The following LDLRAD4 variants were observed in gnomAD, a reference collection of about 807,000 sequenced individuals.
LDLRAD4 encodes the protein low density lipoprotein receptor class A domain containing 4.
Under a neutral mutation model 17.0 loss-of-function variants are expected in LDLRAD4, and 5 were observed. That is an observed-to-expected ratio of 0.29 (90% CI 0.15 to 0.62). The LOEUF (loss-of-function observed/expected upper bound fraction) is 0.62, where lower values mean the gene tolerates loss of function less well. Ranked by LOEUF, LDLRAD4 falls within the 20% of genes least tolerant of loss-of-function variation. LDLRAD4 has a pLI of 0.84. For missense variants in LDLRAD4, 340 were observed against 424.7 expected (o/e 0.80, Z 1.75); for synonymous variants, 168 against 171.8 (o/e 0.98, Z 0.17).
intron 3 of LDLRAD4, among the ~76,000 whole-genome samples, chr18:13,574,636 T>C (rs901262527): frequency 1.3e-5 from 2 of 152,208 alleles, no homozygotes; most frequent in African/African-American, 4.8e-5. Context: ...CATGGAGCCC[T>C]GGCATTGAGT....
chr18:13,611,739 T>C lies in LDLRAD4; in HGVS notation c.182-9378T>C, dbSNP rs2039578426. 6.1e-6 allele frequency: 6 copies of C among 985,278 alleles called. No individual in the cohort carries two copies. In the South Asian group the frequency reaches 2.3e-4, roughly 39 times the overall value. The allele number at this position is 985,278 out of a possible 1,614,324, so 61.0% of individuals were successfully genotyped here. ...TGCTACCATACATGGGGAATAATGA[T>C]GTGAGGCAGAGGGAGAGGGAATGAA... On this transcript the variant is annotated intron_variant, in intron 3 of 5. Coordinates refer to ENST00000359446, the Ensembl canonical transcript of LDLRAD4.
intron 2 of LDLRAD4, among the ~76,000 whole-genome samples, chr18:13,424,163 A>C (rs879712865): frequency 4.7e-4 from 71 of 151,702 alleles, no homozygotes; most frequent in Non-Finnish European, 9.0e-4. Context: ...AAAAAAAAAA[A>C]CTTCCAGTGT....
chr18:13,479,433 CA>C (rs2093028963), intron 3 of LDLRAD4, among the ~76,000 whole-genome samples: 2 of 152,154 alleles, frequency 1.3e-5, no homozygotes, highest in South Asian at 4.1e-4. Context: ...CCAGCCTGGC[CA>C]ACATGGCATA....
upstream of LDLRAD4, among the ~76,000 whole-genome samples, chr18:13,218,251 G>A (rs1046606870): frequency 6.6e-6 from 1 of 152,194 alleles, no homozygotes; most frequent in African/African-American, 2.4e-5. Flanking sequence ...GGAGGGAGAA[G>A]CTGGGCGCCG....
At chr18:13,640,052 C>T (rs1262626048) in intron 4 of LDLRAD4, among the ~76,000 whole-genome samples, 2 of 152,014 alleles carry the variant, frequency 1.3e-5, no homozygotes, top group Non-Finnish European at 2.9e-5. Context: ...TTTGGGAGGC[C>T]GAGGCGGGTG....
intron 3 of LDLRAD4, among the ~76,000 whole-genome samples, chr18:13,604,073 A>G (rs76122616): frequency 0.025 from 3,783 of 152,330 alleles, 80 homozygotes; most frequent in Non-Finnish European, 0.039. Context: ...GTATAGTTAT[A>G]TAGGTCTGAT....
chr18:13,350,867 C>A (rs1428456486), intron 1 of LDLRAD4, among the ~76,000 whole-genome samples: 1 of 152,200 alleles, frequency 6.6e-6, no homozygotes, highest in East Asian at 1.9e-4. Context: ...GTTTTCCCAG[C>A]TCCATTTATT....
At chr18:13,554,495 CAT>C (rs1041861714) in intron 3 of LDLRAD4, among the ~76,000 whole-genome samples, 3 of 152,024 alleles carry the variant, frequency 2.0e-5, no homozygotes, top group African/African-American at 7.3e-5. Context: ...AGTCAGGTCT[CAT>C]GTGTAAGGGT....
chr18:13,532,348 C>T (rs949202169), intron 3 of LDLRAD4, among the ~76,000 whole-genome samples: 17 of 152,298 alleles, frequency 1.1e-4, no homozygotes, highest in East Asian at 5.8e-4. Context: ...TGGTAGTATT[C>T]GGCCTGGATG....
chr18:13,436,030 A>G (rs2090632200), intron 2 of LDLRAD4, among the ~76,000 whole-genome samples: 3 of 152,258 alleles, frequency 2.0e-5, no homozygotes, highest in Admixed American at 1.3e-4. Flanking sequence ...CAGGGTTCTT[A>G]TGAGGCTCAG....
intron 1 of LDLRAD4, among the ~76,000 whole-genome samples, chr18:13,284,354 T>C (rs1346341607): frequency 6.6e-6 from 1 of 151,812 alleles, no homozygotes; most frequent in Non-Finnish European, 1.5e-5. Flanking sequence ...GTGATTAGAG[T>C]TTATTAGTTT....
At chr18:13,477,204 A>G (rs2092962377) in intron 3 of LDLRAD4, among the ~76,000 whole-genome samples, 1 of 152,094 alleles carries the variant, frequency 6.6e-6, no homozygotes, top group African/African-American at 2.4e-5. Context: ...TTCTAGCAAG[A>G]CAGCTGTGGT....
chr18:13,363,189 A>G (rs2083796834), intron 1 of LDLRAD4, among the ~76,000 whole-genome samples: 1 of 152,030 alleles, frequency 6.6e-6, no homozygotes, highest in Non-Finnish European at 1.5e-5. Context: ...AAAATTAGCC[A>G]GGCGTGGTGG....
At chr18:13,624,102 C>G (rs1257494647) in intron 4 of LDLRAD4, among the ~76,000 whole-genome samples, 1 of 152,178 alleles carries the variant, frequency 6.6e-6, no homozygotes, top group Non-Finnish European at 1.5e-5. Flanking sequence ...GGCAGTCCCG[C>G]AACAAAGACT....
intron 3 of LDLRAD4, among the ~76,000 whole-genome samples, chr18:13,499,588 C>A (rs1429475761): frequency 6.6e-6 from 1 of 151,438 alleles, no homozygotes; most frequent in Non-Finnish European, 1.5e-5. Context: ...TCCTTCTCGC[C>A]ACACACATCC....
At position 13,296,090 on chromosome 18, in the gene LDLRAD4, C is replaced by T. The variant is rs538772588; in HGVS notation, c.-383+17902C>T. Among the ~76,000 whole-genome samples, 24 of 152,374 alleles carry T rather than the reference C, an allele frequency of 1.6e-4. No homozygotes were observed. The South Asian group carries it at 4.6e-3, about 29-fold the overall frequency. ...TTCCGTCAAGGGCTCCTGCGCCTGG[C>T]GGGCATCTCTCGTGCATCCCTCCAG... On this transcript the variant is annotated intron_variant, in intron 1 of 5. Transcript: ENST00000359446.
Position 13,316,483 on chromosome 18 carries a change from A to G in LDLRAD4, c.-383+38295A>G, listed in dbSNP as rs559392345. Among the ~76,000 whole-genome samples, 65 of 152,214 alleles carry G rather than the reference A, an allele frequency of 4.3e-4. 1 individual carries two copies. Among genetic ancestry groups the G allele is most frequent in the Non-Finnish European group, 4.4e-4 (30 of 68,036 alleles). On this transcript the variant is annotated intron_variant, in intron 1 of 5. Transcript: ENST00000359446. The stretch of plus-strand genomic sequence containing the variant: ...GGAAATTCTTCAGGCGGAAGGATAA[A>G]GGGTCCTGATGGAAGCATGGGAATG...
At chr18:13,612,554 C>T (rs911158253) in intron 3 of LDLRAD4, 37 of 1,451,142 alleles carry the variant, frequency 2.5e-5, no homozygotes, top group Non-Finnish European at 2.8e-5. Context: ...CACCCCCCCC[C>T]CCTCCACGCT....
At position 13,594,039 on chromosome 18, in the gene LDLRAD4, T is replaced by C. The variant is rs539959140; in HGVS notation, c.182-27078T>C. 1.8e-4 allele frequency among the ~76,000 whole-genome samples: 27 copies of C among 152,268 alleles called. 1 individual carries two copies. In the South Asian group the frequency reaches 4.4e-3, roughly 25 times the overall value. Reference sequence around the variant, plus strand: ...TCCCTCACTATCCTCATGTAATATTTGCATATATTCATACACACACACACA... The same window carrying C: ...TCCCTCACTATCCTCATGTAATATTCGCATATATTCATACACACACACACA... On this transcript the variant is annotated intron_variant, in intron 3 of 5. Transcript: ENST00000359446.
Sources: gnomAD v4.1 joint callset for allele counts (sites outside exome capture counted in the v4.1 genomes callset) on GRCh38, gnomAD v4.1.1 for gene constraint, MANE v1.5 for transcripts, NCBI Gene and HGNC (gene_info 2026-07-23, HGNC 2026-07-21) for gene names.